MSRA: variants seen among roughly 807,000 people sequenced by gnomAD.
The protein encoded by MSRA is methionine sulfoxide reductase A.
MSRA carries 54 observed loss-of-function variants against 31.3 expected under a neutral mutation model. The observed-to-expected ratio is 1.73, with a 90% confidence interval of 1.39 to 2.17. MSRA has a LOEUF of 2.17. Among genes scored for constraint, MSRA ranks in the 30% most tolerant of loss-of-function variants. The probability of loss-of-function intolerance (pLI) is 0.00; values close to 1 mark genes in which losing one functional copy is unlikely to be tolerated. For synonymous variants in MSRA, 169 were observed against 116.5 expected (o/e 1.45, Z -2.90); for missense variants, 507 against 300.9 (o/e 1.69, Z -5.07).
At chr8:10,417,868 C>A (rs1431259105) in intron 5 of MSRA, among the ~76,000 whole-genome samples, 4 of 151,504 alleles carry the variant, frequency 2.6e-5, no homozygotes, top group African/African-American at 9.7e-5. Flanking sequence ...GGTCTCCGTG[C>A]AGAAGGGGGA....
intron 1 of MSRA, among the ~76,000 whole-genome samples, chr8:10,162,081 C>T (rs146402072): frequency 5.9e-5 from 9 of 152,090 alleles, no homozygotes; most frequent in Non-Finnish European, 1.3e-4. Flanking sequence ...GAAGCAGGGC[C>T]GTAGGAATTC....
At chr8:10,133,598 C>G (rs1035962263) in intron 1 of MSRA, among the ~76,000 whole-genome samples, 1 of 152,182 alleles carries the variant, frequency 6.6e-6, no homozygotes, top group African/African-American at 2.4e-5. Flanking sequence ...CTGTCCAGAC[C>G]TGAGTTTTAG....
chr8:10,317,677 A>G lies in MSRA; in HGVS notation c.437-2206A>G, dbSNP rs564692229. On this transcript the variant is annotated intron_variant, in intron 4 of 5. Coordinates refer to ENST00000317173, the MANE Select transcript of MSRA (RefSeq NM_012331.5). Reference sequence around the variant, plus strand: ...TGAGCCAGTAATTCTCTTTCCACTCAACACTGAAAGTCCACTGCTTGCTTT... The same window carrying G: ...TGAGCCAGTAATTCTCTTTCCACTCGACACTGAAAGTCCACTGCTTGCTTT... Among the ~76,000 whole-genome samples, 4 of 152,292 alleles carry G rather than the reference A, an allele frequency of 2.6e-5. No individual in the cohort carries two copies. The South Asian group carries it at 8.3e-4, about 32-fold the overall frequency.
intron 5 of MSRA, among the ~76,000 whole-genome samples, chr8:10,378,172 C>T (rs771020028): frequency 1.1e-4 from 17 of 152,354 alleles, no homozygotes; most frequent in African/African-American, 2.9e-4. Flanking sequence ...AGTCTCAGCT[C>T]TGCCACAGGC....
At position 10,191,418 on chromosome 8, in the gene MSRA, T is replaced by C. The variant is rs1807494447; in HGVS notation, c.143-16415T>C. Among the ~76,000 whole-genome samples the C allele has an allele frequency of 2.0e-5, 3 of 152,232 alleles. No individual in the cohort carries two copies. In the South Asian group the frequency reaches 6.2e-4, roughly 32 times the overall value. On this transcript the variant is annotated intron_variant, in intron 1 of 5. Transcript: ENST00000317173. ...GAAAAACATTTTTCTTCATTGTTTT[T>C]GTAAGCCCTATGAGGCAGAGGTATA...
chr8:10,081,742 G>A (rs926262726), intron 1 of MSRA, among the ~76,000 whole-genome samples: 6 of 152,032 alleles, frequency 3.9e-5, no homozygotes, highest in East Asian at 1.9e-4. Flanking sequence ...TGCCTGCCTC[G>A]GCCTCCCAAA....
At chr8:10,424,016 G>C (rs1234638154) in intron 5 of MSRA, among the ~76,000 whole-genome samples, 1 of 152,234 alleles carries the variant, frequency 6.6e-6, no homozygotes, top group Non-Finnish European at 1.5e-5. Context: ...GAGAACAGAA[G>C]GGTTTTTGTA....
At chr8:10,343,303 C>T (rs1175996487) in intron 5 of MSRA, among the ~76,000 whole-genome samples, 1 of 152,124 alleles carries the variant, frequency 6.6e-6, no homozygotes, top group Non-Finnish European at 1.5e-5. Context: ...GAGCTAAGAT[C>T]GGATGTAATT....
intron 5 of MSRA, among the ~76,000 whole-genome samples, chr8:10,398,988 G>A (rs1014878543): frequency 6.6e-6 from 1 of 152,190 alleles, no homozygotes; most frequent in African/African-American, 2.4e-5. Flanking sequence ...CTGGGAAAAA[G>A]CCCGAGGACT....
chr8:10,118,387 C>T (rs1800841018), intron 1 of MSRA, among the ~76,000 whole-genome samples: 1 of 152,062 alleles, frequency 6.6e-6, no homozygotes. Context: ...TGTGCAAAGG[C>T]CCCATGACAT....
chr8:10,213,381 A>ATTC (rs1342680948), intron 2 of MSRA, among the ~76,000 whole-genome samples: 2 of 143,728 alleles, frequency 1.4e-5, no homozygotes, highest in Non-Finnish European at 3.0e-5. Flanking sequence ...ACAGGGTCTC[A>ATTC]TTCTGTTTTA....
chr8:10,159,830 C>T (rs749472744), intron 1 of MSRA, among the ~76,000 whole-genome samples: 3 of 152,200 alleles, frequency 2.0e-5, no homozygotes, highest in Non-Finnish European at 4.4e-5. Flanking sequence ...CTCTAAATAT[C>T]TAACCCATTT....
At chr8:10,228,772 A>G (rs540615447) in intron 2 of MSRA, among the ~76,000 whole-genome samples, 2 of 152,356 alleles carry the variant, frequency 1.3e-5, no homozygotes, top group East Asian at 3.9e-4. Flanking sequence ...AGTTGGGGCT[A>G]GTAGCATCTT....
chr8:10,315,780 A>C (rs1019802970), intron 4 of MSRA, among the ~76,000 whole-genome samples: 3 of 152,202 alleles, frequency 2.0e-5, no homozygotes, highest in Non-Finnish European at 4.4e-5. Context: ...GTTTTCTAAT[A>C]TTTTCATTAT....
At chr8:10,132,799 G>T (rs981346300) in intron 1 of MSRA, among the ~76,000 whole-genome samples, 3 of 152,192 alleles carry the variant, frequency 2.0e-5, no homozygotes, top group Non-Finnish European at 4.4e-5. Flanking sequence ...CAGTTTACCC[G>T]GAGTCATAAA....
intron 2 of MSRA, among the ~76,000 whole-genome samples, chr8:10,241,351 G>A (rs1812395113): frequency 6.6e-6 from 1 of 152,244 alleles, no homozygotes; most frequent in African/African-American, 2.4e-5. Context: ...TTTGAAGAGG[G>A]TCTCACTGGC....
At chr8:10,062,123 A>G (rs1797229304) in intron 1 of MSRA, among the ~76,000 whole-genome samples, 1 of 152,170 alleles carries the variant, frequency 6.6e-6, no homozygotes, top group Non-Finnish European at 1.5e-5. Flanking sequence ...AGCAAGGACC[A>G]GAGTGGAAGC....
chr8:10,058,087 C>T (rs549116094), intron 1 of MSRA, among the ~76,000 whole-genome samples: 5 of 152,196 alleles, frequency 3.3e-5, no homozygotes, highest in South Asian at 2.1e-4. Context: ...GGCTTTCTTG[C>T]GTTTACATTC....
chr8:10,216,795 C>T (rs975486416), intron 2 of MSRA, among the ~76,000 whole-genome samples: 5 of 152,162 alleles, frequency 3.3e-5, no homozygotes, highest in African/African-American at 9.7e-5. Flanking sequence ...TTGGTTTGTC[C>T]ATTCACCTGT....
Sources: gnomAD v4.1 joint callset for allele counts (sites outside exome capture counted in the v4.1 genomes callset) on GRCh38, gnomAD v4.1.1 for gene constraint, MANE v1.5 for transcripts, NCBI Gene and HGNC (gene_info 2026-07-23, HGNC 2026-07-21) for gene names.